The following DNMT3A variants were observed in gnomAD, a reference collection of about 807,000 sequenced individuals.
The protein encoded by DNMT3A is DNA (cytosine-5)-methyltransferase 3A.
In DNMT3A, 267 loss-of-function variants were observed where a neutral mutation model predicts 117.6. The ratio of observed to expected loss-of-function variants is 2.27; its 90% CI spans 2.05 to 2.51. The LOEUF (loss-of-function observed/expected upper bound fraction) is 2.51, where lower values mean the gene tolerates loss of function less well. Among genes scored for constraint, DNMT3A ranks in the 30% most tolerant of loss-of-function variants. DNMT3A has a pLI of 0.00. For synonymous variants in DNMT3A, 432 were observed against 474.8 expected (o/e 0.91, Z 1.17); for missense variants, 1,029 against 1,260.2 (o/e 0.82, Z 2.78).
intron 6 of DNMT3A, among the ~76,000 whole-genome samples, chr2:25,255,092 G>C (rs1676000886): frequency 6.6e-6 from 1 of 152,198 alleles, no homozygotes; most frequent in South Asian, 2.1e-4. Context: ...TCCCTCTCCT[G>C]TAACTATGCA....
At position 25,229,941 on chromosome 2, in the gene DNMT3A, A is replaced by G. The variant is rs1346513480; in HGVS notation, c.*4338T>C. On this transcript the variant is annotated 3_prime_UTR_variant, in exon 23 of 23. Transcript: ENST00000321117. ...AGTCGCCATGGCCTGGTGGCCAATTATCGGGAAGCAAGGGGAGCTGGGCCC... is the reference window on the plus strand; with the variant it reads ...AGTCGCCATGGCCTGGTGGCCAATTGTCGGGAAGCAAGGGGAGCTGGGCCC... 6.6e-6 allele frequency: 1 copy of G among 152,204 alleles called. No homozygotes were observed. The highest frequency in any genetic ancestry group is 1.5e-5 in the Non-Finnish European group (1 of 68,044). 9.4% of individuals were successfully genotyped at this position (152,204 alleles called of 1,614,324 possible).
chr2:25,321,129 G>A (rs116358246), intron 1 of DNMT3A, among the ~76,000 whole-genome samples: 2,316 of 149,574 alleles, frequency 0.015, 52 homozygotes, highest in African/African-American at 0.052. Context: ...GCGAAACTCC[G>A]TCTCAAAAAA....
Position 25,234,076 on chromosome 2 carries a change from A to C in DNMT3A, c.*203T>G. ...ATAGGACTGAAGAATAACATTGAAA[A>C]ATCAGGAGATGATGTCCAACCCTTT... is the stretch of plus-strand genomic sequence containing the variant. On this transcript the variant is annotated 3_prime_UTR_variant, in exon 23 of 23. Coordinates refer to ENST00000321117, the MANE Select transcript of DNMT3A (RefSeq NM_022552.5). This position sits in a 1 kb window ranked among gnomAD's most constrained non-coding sequence, Gnocchi z 4.5. 1.5e-6 allele frequency: 1 copy of C among 676,486 alleles called. No individual in the cohort carries two copies. The highest frequency in any genetic ancestry group is 2.2e-6 in the Non-Finnish European group (1 of 453,070). 41.9% of individuals were successfully genotyped at this position (676,486 alleles called of 1,614,324 possible). A position where few individuals can be genotyped will look rare whatever the true frequency, so the allele number is the denominator to read the frequency against.
At chr2:25,264,616 C>T (rs2030107571) in intron 6 of DNMT3A, among the ~76,000 whole-genome samples, 2 of 152,084 alleles carry the variant, frequency 1.3e-5, no homozygotes, top group South Asian at 2.1e-4. Flanking sequence ...GTGCCTGCCA[C>T]CACGCCCGGC....
At chr2:25,275,476 A>G in intron 5 of DNMT3A, 24 bp downstream of exon 5, 1 of 1,590,882 alleles carries the variant, frequency 6.3e-7, no homozygotes, top group Non-Finnish European at 8.5e-7. Flanking sequence ...GGATCCACAG[A>G]GCCCCTGGGG....
Position 25,300,204 on chromosome 2 carries a change from GCTC to G in DNMT3A, c.109_111del (p.Glu37del). The G allele has an allele frequency of 1.2e-6, 2 of 1,611,434 alleles. No individual in the cohort carries two copies. The highest frequency in any genetic ancestry group is 1.7e-6 in the Non-Finnish European group (2 of 1,179,946). On this transcript the variant is annotated inframe_deletion, in exon 3 of 23. Transcript: ENST00000321117. ...CGTGCCGTGGTGCTGGGCTCTTGGCGCTCCTCCTTGCCACGCGGCTCCTCCTGC... is the reference window on the plus strand; with the variant it reads ...CGTGCCGTGGTGCTGGGCTCTTGGCGCTCCTTGCCACGCGGCTCCTCCTGC...
chr2:25,245,213 C>T (rs772427504), intron 13 of DNMT3A, 40 bp downstream of exon 13: 26 of 1,597,750 alleles, frequency 1.6e-5, no homozygotes, highest in African/African-American at 1.5e-4. Context: ...GCCGAAGGGC[C>T]GGCCTCAACG....
chr2:25,244,982 C>T (rs763265718), intron 13 of DNMT3A, among the ~76,000 whole-genome samples: 6 of 152,214 alleles, frequency 3.9e-5, no homozygotes, highest in Non-Finnish European at 5.9e-5. Flanking sequence ...AGCTTGTCCC[C>T]GCTGCTCTGC....
intron 2 of DNMT3A, among the ~76,000 whole-genome samples, chr2:25,303,682 T>G (rs2033637197): frequency 6.6e-6 from 1 of 152,248 alleles, no homozygotes; most frequent in African/African-American, 2.4e-5. Context: ...CCCTTCCCCT[T>G]GACATTTGGC....
intron 1 of DNMT3A, among the ~76,000 whole-genome samples, chr2:25,317,533 G>C (rs2034430265): frequency 6.6e-6 from 1 of 152,204 alleles, no homozygotes; most frequent in Non-Finnish European, 1.5e-5. Flanking sequence ...ACAGCACCAG[G>C]TACTCTGGCA....
In DNMT3A at chr2:25,327,434, C is replaced by T. The variant is rs1028978246; in HGVS notation, c.-177-13273G>A. Among the ~76,000 whole-genome samples the T allele has an allele frequency of 1.3e-5, 2 of 152,108 alleles. No individual in the cohort carries two copies. Among genetic ancestry groups the T allele is most frequent in the Non-Finnish European group, 2.9e-5 (2 of 68,038 alleles). On this transcript the variant is annotated intron_variant, in intron 1 of 22. Transcript: ENST00000321117. The surrounding 1 kb of genome is among the most constrained non-coding windows in gnomAD (Gnocchi z 4.1). The stretch of plus-strand genomic sequence containing the variant: ...CATTTCTTGAGTGCCATTGTGGAGC[C>T]GGGCCCTGGAGTGAAAGGAGACCCC...
chr2:25,247,033 C>G lies in DNMT3A; in HGVS notation c.1122+18G>C. The G allele has an allele frequency of 6.2e-7, 1 of 1,611,688 alleles. No individual in the cohort carries two copies. Among genetic ancestry groups the G allele is most frequent in the Non-Finnish European group, 8.5e-7 (1 of 1,178,810 alleles). On this transcript the variant is annotated intron_variant, in intron 9 of 22. Transcript: ENST00000321117. The surrounding 1 kb of genome is among the most constrained non-coding windows in gnomAD (Gnocchi z 5.6). ...GTGCTCTAGGCTCCTCCTCCGAGCT[C>G]CCAGCAGGGACACTCACCTGCAGGA...
rs749282210 is a variant in DNMT3A at position 25,240,399 on chromosome 2, C to G, written c.2225G>C (p.Arg742Pro). ...FEFYRLLHDARPKEGDDRPFF... is the reference protein window; with the variant it reads ...FEFYRLLHDAPPKEGDDRPFF... ...GGGGCGATCATCTCCCTCCTTGGGC[C>G]GCGCATCATGCAGGAGGCGGTAGAA... The change falls in exon 19 of 23, where the codon CGG (arginine) becomes CCG (proline). Residue 742 changes from arginine (R) to proline (P), a missense_variant. By Grantham distance (103) the Arg-to-Pro change is moderately radical. Transcript: ENST00000321117. 6.2e-7 allele frequency: 1 copy of G among 1,613,790 alleles called. No individual in the cohort carries two copies. Among genetic ancestry groups the G allele is most frequent in the Non-Finnish European group, 8.5e-7 (1 of 1,179,858 alleles).
At chr2:25,258,600 A>C (rs745741387) in intron 6 of DNMT3A, among the ~76,000 whole-genome samples, 3 of 152,194 alleles carry the variant, frequency 2.0e-5, no homozygotes, top group Non-Finnish European at 4.4e-5. Context: ...ACATGAAACC[A>C]CAGCCCTCAT....
Position 25,237,118 on chromosome 2 carries a change from C to T in DNMT3A, c.2409-113G>A. On this transcript the variant is annotated intron_variant, in intron 20 of 22. Transcript: ENST00000321117. This position sits in a 1 kb window ranked among gnomAD's most constrained non-coding sequence, Gnocchi z 5.4. ...CAGCCACTAGTTCACAGGGTAAGAGCCCCTTCCCCAAATCACGCACACACG... is the reference window on the plus strand; with the variant it reads ...CAGCCACTAGTTCACAGGGTAAGAGTCCCTTCCCCAAATCACGCACACACG... 1 of 1,022,404 alleles carries T rather than the reference C, an allele frequency of 9.8e-7. No individual in the cohort carries two copies. The highest frequency in any genetic ancestry group is 1.5e-6 in the Non-Finnish European group (1 of 689,332). 63.3% of individuals were successfully genotyped at this position (1,022,404 alleles called of 1,614,324 possible).
intron 6 of DNMT3A, among the ~76,000 whole-genome samples, chr2:25,266,263 C>T (rs11683424): frequency 0.14 from 20,799 of 152,246 alleles, 1,648 homozygotes; most frequent in Non-Finnish European, 0.18. Context: ...ACATCATCAT[C>T]TCCTTCAAGG....
intron 3 of DNMT3A, among the ~76,000 whole-genome samples, chr2:25,290,655 T>TGC (rs2032687420): frequency 2.0e-5 from 3 of 152,184 alleles, no homozygotes; most frequent in Admixed American, 6.5e-5. Context: ...TTACTATAGT[T>TGC]ATTTACACAG....
intron 6 of DNMT3A, among the ~76,000 whole-genome samples, chr2:25,253,007 C>T (rs1573360506): frequency 1.3e-5 from 2 of 152,156 alleles, no homozygotes; most frequent in East Asian, 3.9e-4. Context: ...TCACTCTGGG[C>T]CTTCCCTGGA....
At chr2:25,308,145 G>A (rs993217835) in intron 2 of DNMT3A, among the ~76,000 whole-genome samples, 21 of 152,218 alleles carry the variant, frequency 1.4e-4, no homozygotes, top group Non-Finnish European at 2.9e-4. Context: ...GGCAGTGGGT[G>A]TAAACCACAA....
Sources: gnomAD v4.1 joint callset for allele counts (sites outside exome capture counted in the v4.1 genomes callset) on GRCh38, gnomAD v4.1.1 for gene constraint, Gnocchi (gnomAD v3.1) non-coding constraint, MANE v1.5 for transcripts, NCBI Gene and HGNC (gene_info 2026-07-23, HGNC 2026-07-21) for gene names.